The following CENPI variants were observed in gnomAD, a reference collection of about 807,000 sequenced individuals.
The protein encoded by CENPI is centromere protein I, also known as FSH primary response 1.
Under a neutral mutation model 60.4 loss-of-function variants are expected in CENPI, and 4 were observed. The ratio of observed to expected loss-of-function variants is 0.07; its 90% confidence interval spans 0.03 to 0.15. The LOEUF (loss-of-function observed/expected upper bound fraction) is 0.15, where lower values mean the gene tolerates loss of function less well. Among genes scored for constraint, CENPI ranks in the 10% least tolerant of loss-of-function variants. The probability of loss-of-function intolerance (pLI) is 1.00; values close to 1 mark genes in which losing one functional copy is unlikely to be tolerated. For missense variants in CENPI, 444 were observed against 534.5 expected, an observed-to-expected ratio of 0.83 and a Z score of 1.67; for synonymous variants, 157 against 189.4, an observed-to-expected ratio of 0.83 and a Z score of 1.40.
intron 15 of CENPI, among the ~76,000 whole-genome samples, chrX:101,134,243 G>A (rs1055817176): frequency 1.8e-5 from 2 of 111,525 alleles, no homozygotes; most frequent in Admixed American, 9.6e-5. Context: ...GTTAGGAATT[G>A]GGAGGCACCA....
chrX:101,107,392 T>G (rs1361478164), intron 4 of CENPI, among the ~76,000 whole-genome samples: 1 of 110,852 alleles, frequency 9.0e-6, no homozygotes, highest in African/African-American at 3.3e-5. Context: ...GTTTCACTCT[T>G]ATTGCCCAGG....
chrX:101,128,053 G>A (rs2089754575), intron 11 of CENPI, among the ~76,000 whole-genome samples: 1 of 111,015 alleles, frequency 9.0e-6, no homozygotes, highest in African/African-American at 3.3e-5. Context: ...ACAAAAATTG[G>A]GCTGGGCGCG....
the CENPI span, among the ~76,000 whole-genome samples, chrX:101,176,900 A>G: frequency 2.1e-4 from 24 of 112,186 alleles, no homozygotes; most frequent in African/African-American, 7.8e-4. Flanking sequence ...TTGATTTTGT[A>G]TATGGTGATG....
At chrX:101,130,755 G>A (rs1311022109) in intron 13 of CENPI, among the ~76,000 whole-genome samples, 1 of 111,541 alleles carries the variant, frequency 9.0e-6, no homozygotes. Context: ...ATTTGGTTTG[G>A]GTAACCCTGA....
At chrX:101,152,767 ATTT>A (rs2090019526) in intron 20 of CENPI, among the ~76,000 whole-genome samples, 1 of 106,398 alleles carries the variant, frequency 9.4e-6, no homozygotes, top group Admixed American at 1.0e-4. Flanking sequence ...TCAGTACTTT[ATTT>A]GTTTTTACTG....
intron 4 of CENPI, among the ~76,000 whole-genome samples, chrX:101,103,926 A>G (rs1183996968): frequency 1.8e-5 from 2 of 112,062 alleles, no homozygotes; most frequent in East Asian, 5.5e-4. Flanking sequence ...GCTGGAAGGC[A>G]TCTTAAAAGA....
At chrX:101,144,463 A>T (rs5966736) in intron 16 of CENPI, among the ~76,000 whole-genome samples, 29,586 of 104,082 alleles carry the variant, frequency 0.28, 3,616 homozygotes, top group African/African-American at 0.42. Flanking sequence ...CGCTCACTGC[A>T]ACCTTTGCCT....
At chrX:101,150,097 T>G (rs1019032475) in intron 20 of CENPI, among the ~76,000 whole-genome samples, 1 of 109,677 alleles carries the variant, frequency 9.1e-6, no homozygotes, top group Non-Finnish European at 1.9e-5. Flanking sequence ...AGAGACATTA[T>G]AGTGATTTTC....
intron 20 of CENPI, among the ~76,000 whole-genome samples, chrX:101,152,120 A>G (rs778999772): frequency 9.1e-6 from 1 of 110,060 alleles, no homozygotes; most frequent in African/African-American, 3.3e-5. Context: ...GCTGGAGTGC[A>G]ATGGCGCGAT....
rs148668370 is a variant in CENPI at position 101,112,551 on chromosome X, A to C, written c.591+2553A>C. Among the ~76,000 whole-genome samples, 530 of 112,248 alleles carry C rather than the reference A, an allele frequency of 4.7e-3. 2 individuals are homozygous for C. The highest frequency in any genetic ancestry group is 0.016 in the African/African-American group (510 of 30,955). On this transcript the variant is annotated intron_variant, in intron 6 of 21. Coordinates refer to ENST00000682095, the MANE Select transcript of CENPI (RefSeq NM_001386188.2). ...TGTAGTATCAAAAACTAATATCCACAATTTTCTGAAAAGGCTTTTAAAATA... is the reference window on the plus strand; with the variant it reads ...TGTAGTATCAAAAACTAATATCCACCATTTTCTGAAAAGGCTTTTAAAATA...
At chrX:101,143,419 G>C (rs1232168135) in intron 16 of CENPI, among the ~76,000 whole-genome samples, 1 of 111,593 alleles carries the variant, frequency 9.0e-6, no homozygotes, top group South Asian at 3.7e-4. Context: ...CATTGATCCA[G>C]GGAGAATATA....
chrX:101,120,352 T>C, intron 6 of CENPI, 50 bp from the exon 7 acceptor site: 1 of 590,824 alleles, frequency 1.7e-6, no homozygotes, highest in Non-Finnish European at 2.8e-6. Context: ...GTTGCCCCTC[T>C]GTTCAAGACA....
intron 20 of CENPI, 41 bp downstream of exon 20, chrX:101,148,202 A>C: frequency 9.7e-7 from 1 of 1,025,683 alleles, no homozygotes; most frequent in Non-Finnish European, 1.4e-6. Context: ...GTATCTTAAT[A>C]CTGTGGTGGC....
chrX:101,120,187 A>G (rs1014128678), intron 6 of CENPI, among the ~76,000 whole-genome samples: 7 of 112,008 alleles, frequency 6.2e-5, no homozygotes, highest in African/African-American at 2.3e-4. Flanking sequence ...CATTCCAAAA[A>G]TAACTAAAAA....
the CENPI span, among the ~76,000 whole-genome samples, chrX:101,174,254 A>G: frequency 1.8e-5 from 2 of 112,000 alleles, no homozygotes. Flanking sequence ...ATATCTATCT[A>G]TATCTATATC....
the CENPI span, among the ~76,000 whole-genome samples, chrX:101,180,652 G>A: frequency 8.9e-6 from 1 of 112,238 alleles, no homozygotes; most frequent in Non-Finnish European, 1.9e-5. Flanking sequence ...TAGGTGTAAT[G>A]TCTCAGAAAC....
the CENPI span, among the ~76,000 whole-genome samples, chrX:101,175,441 A>G: frequency 6.2e-5 from 7 of 112,256 alleles, no homozygotes; most frequent in Non-Finnish European, 1.3e-4. Flanking sequence ...TGATCCTACC[A>G]CTTCCATGGA....
chrX:101,151,557 C>T (rs113741055), intron 20 of CENPI, among the ~76,000 whole-genome samples: 3 of 111,524 alleles, frequency 2.7e-5, no homozygotes, highest in South Asian at 3.8e-4. Context: ...AAGCCAGGCA[C>T]GGGGTGGCTC....
intron 20 of CENPI, among the ~76,000 whole-genome samples, chrX:101,152,263 C>T (rs1313719160): frequency 9.1e-6 from 1 of 109,695 alleles, no homozygotes. Context: ...CGGGGTTTCA[C>T]CATGTTGGTC....
Sources: allele counts gnomAD v4.1 joint callset (sites outside exome capture counted in the v4.1 genomes callset), GRCh38; gene constraint gnomAD v4.1.1; transcripts MANE v1.5; gene names NCBI Gene and HGNC (gene_info 2026-07-23, HGNC 2026-07-21).